Variants in LOXHD1 observed in about 807,000 individuals in gnomAD.
LOXHD1 encodes the protein lipoxygenase homology PLAT domains 1.
In LOXHD1, 205 loss-of-function variants were observed where a neutral mutation model predicts 248.2. The ratio of observed to expected loss-of-function variants is 0.83; its 90% CI spans 0.74 to 0.93. LOXHD1 has a LOEUF of 0.93. Among genes scored for constraint, LOXHD1 ranks in the 40% least tolerant of loss-of-function variants. The pLI, the probability that LOXHD1 is intolerant of heterozygous loss-of-function variation, is 0.00. For synonymous variants in LOXHD1, 1,113 were observed against 1,162.8 expected, an observed-to-expected ratio of 0.96 and a Z score of 0.87; for missense variants, 2,930 against 2,971.6, an observed-to-expected ratio of 0.99 and a Z score of 0.33.
intron 4 of LOXHD1, among the ~76,000 whole-genome samples, chr18:46,638,978 C>T (rs1257311554): frequency 1.3e-5 from 2 of 152,266 alleles, no homozygotes; most frequent in Non-Finnish European, 2.9e-5. Flanking sequence ...CAATGTAATG[C>T]CCCCCTTTTT....
chr18:46,497,042 T>C (rs921494724), intron 37 of LOXHD1, among the ~76,000 whole-genome samples: 5 of 152,160 alleles, frequency 3.3e-5, no homozygotes, highest in African/African-American at 1.2e-4. Context: ...TACAGAAATC[T>C]TCCTTTTCTT....
chr18:46,490,772 G>A (rs1282534603), intron 37 of LOXHD1, among the ~76,000 whole-genome samples: 1 of 152,230 alleles, frequency 6.6e-6, no homozygotes, highest in East Asian at 1.9e-4. Context: ...ACCTCGCCCG[G>A]CGGTAAGTTA....
chr18:46,549,941 T>A (rs1169143938), intron 21 of LOXHD1, among the ~76,000 whole-genome samples: 1 of 152,236 alleles, frequency 6.6e-6, no homozygotes, highest in Non-Finnish European at 1.5e-5. Flanking sequence ...TTTTGGCATT[T>A]GCCTCTTTGT....
intron 40 of LOXHD1, among the ~76,000 whole-genome samples, chr18:46,482,033 T>A (rs985495621): frequency 2.0e-5 from 3 of 152,232 alleles, no homozygotes; most frequent in African/African-American, 7.2e-5. Context: ...GGCTTAGGCC[T>A]GGCCCTGACT....
chr18:46,509,186 C>T (rs2034788321), intron 35 of LOXHD1, among the ~76,000 whole-genome samples: 1 of 152,218 alleles, frequency 6.6e-6, no homozygotes, highest in South Asian at 2.1e-4. Flanking sequence ...AGGCTGGCTT[C>T]AGCCCAACTG....
chr18:46,621,984 G>A (rs796370899), intron 4 of LOXHD1, among the ~76,000 whole-genome samples: 3 of 152,334 alleles, frequency 2.0e-5, no homozygotes, highest in African/African-American at 7.2e-5. Flanking sequence ...CAGGGCAGGT[G>A]CTGTTGACGT....
In LOXHD1 at chr18:46,591,945, T is replaced by A. The variant is rs1470905425; in HGVS notation, c.1642A>T (p.Arg548Trp). The A allele has an allele frequency of 5.2e-6, 8 of 1,551,730 alleles. No individual in the cohort carries two copies. Among genetic ancestry groups the A allele is most frequent in the African/African-American group, 1.4e-5 (1 of 73,044 alleles). Residue 548 changes from arginine to tryptophan, a missense_variant, in exon 12 of 41, where the codon AGG becomes TGG. Arg to Trp is a moderately radical substitution (Grantham distance 101). Coordinates refer to ENST00000642948, the MANE Select transcript of LOXHD1 (RefSeq NM_001384474.1). ...EMTAEGPTVR[R>W]IMGMARYHVT... ...TGTCAGTACTTACTGCCCATGATCC[T>A]GCGCACTGTTGGGCCTTCTGCAGTC...
intron 16 of LOXHD1, 93 bp downstream of exon 16, chr18:46,569,349 T>G: frequency 2.8e-6 from 3 of 1,082,656 alleles, no homozygotes. Context: ...TGCGTGTGTG[T>G]CTGTGTGTGG....
intron 37 of LOXHD1, among the ~76,000 whole-genome samples, chr18:46,490,778 A>G (rs1038342287): frequency 6.6e-6 from 1 of 152,240 alleles, no homozygotes; most frequent in African/African-American, 2.4e-5. Context: ...CCCGGCGGTA[A>G]GTTATTTTAA....
chr18:46,526,996 G>T (rs1337422149), intron 29 of LOXHD1, among the ~76,000 whole-genome samples: 1 of 152,128 alleles, frequency 6.6e-6, no homozygotes, highest in Non-Finnish European at 1.5e-5. Context: ...TGAACTTAAG[G>T]TCACATGGTT....
intron 31 of LOXHD1, among the ~76,000 whole-genome samples, chr18:46,523,264 AG>A (rs1431533787): frequency 6.6e-6 from 1 of 152,172 alleles, no homozygotes; most frequent in East Asian, 1.9e-4. Context: ...CTTCTTTAAA[AG>A]GTCTGACTCA....
chr18:46,491,413 T>C (rs2033465348), intron 37 of LOXHD1, among the ~76,000 whole-genome samples: 1 of 152,226 alleles, frequency 6.6e-6, no homozygotes, highest in Admixed American at 6.5e-5. Flanking sequence ...GGTCCAAGAA[T>C]GCCCATCTCT....
At chr18:46,606,784 A>G (rs2038420391) in intron 6 of LOXHD1, among the ~76,000 whole-genome samples, 1 of 152,212 alleles carries the variant, frequency 6.6e-6, no homozygotes, top group African/African-American at 2.4e-5. Flanking sequence ...GTCATATAAT[A>G]ATTTTGAGGA....
intron 33 of LOXHD1, 84 bp from the exon 34 acceptor site, chr18:46,518,340 G>C (rs958993748): frequency 2.0e-6 from 3 of 1,474,426 alleles, no homozygotes; most frequent in Non-Finnish European, 2.8e-6. Flanking sequence ...CAGAGAAAGA[G>C]ACACACTGTC....
intron 14 of LOXHD1, 89 bp from the exon 15 acceptor site, chr18:46,572,251 G>T: frequency 3.5e-6 from 4 of 1,154,036 alleles, no homozygotes; most frequent in Non-Finnish European, 3.8e-6. Flanking sequence ...CACTATGGAG[G>T]CCCAGAGCTT....
intron 8 of LOXHD1, among the ~76,000 whole-genome samples, chr18:46,595,959 T>C (rs2038250802): frequency 6.6e-6 from 1 of 152,124 alleles, no homozygotes; most frequent in African/African-American, 2.4e-5. Context: ...CTGAACATGG[T>C]TCTAAACATA....
chr18:46,511,446 G>T (rs1321749149), intron 34 of LOXHD1, among the ~76,000 whole-genome samples: 1 of 152,168 alleles, frequency 6.6e-6, no homozygotes, highest in Non-Finnish European at 1.5e-5. Context: ...TGAGGCAGTG[G>T]TGTCTAGGAA....
chr18:46,615,127 A>T (rs2038566937), intron 5 of LOXHD1, among the ~76,000 whole-genome samples: 1 of 152,208 alleles, frequency 6.6e-6, no homozygotes, highest in African/African-American at 2.4e-5. Flanking sequence ...ACTATGCTAG[A>T]GGAGACCCTC....
At position 46,590,493 on chromosome 18, in the gene LOXHD1, A is replaced by G. The variant is rs979833726; in HGVS notation, c.1654+1440T>C. ...CTTCTCCCCAGTTCTTTATACCTGCAGGCTCAATTCTGGCGCACAAAGTGG... is the reference window on the plus strand; with the variant it reads ...CTTCTCCCCAGTTCTTTATACCTGCGGGCTCAATTCTGGCGCACAAAGTGG... On this transcript the variant is annotated intron_variant, in intron 12 of 40. Transcript: ENST00000642948. Among the ~76,000 whole-genome samples the G allele has an allele frequency of 5.3e-5, 8 of 152,182 alleles. No homozygotes were observed. The East Asian group carries it at 5.8e-4, about 11-fold the overall frequency.
Sources: allele counts gnomAD v4.1 joint callset (sites outside exome capture counted in the v4.1 genomes callset), GRCh38; gene constraint gnomAD v4.1.1; transcripts MANE v1.5; gene names NCBI Gene and HGNC (gene_info 2026-07-23, HGNC 2026-07-21).